The following KCNK2 variants were observed in gnomAD, a reference collection of about 807,000 sequenced individuals.
KCNK2 encodes potassium two pore domain channel subfamily K member 2.
KCNK2 carries 21 observed loss-of-function variants against 40.5 expected under a neutral mutation model. The observed-to-expected ratio is 0.52, with a 90% CI of 0.37 to 0.75. KCNK2 has a LOEUF of 0.75. Ranked by LOEUF, KCNK2 falls within the 30% of genes least tolerant of loss-of-function variation. The pLI is 0.00. For missense variants in KCNK2, 399 were observed against 531.6 expected, an observed-to-expected ratio of 0.75 and a Z score of 2.45; for synonymous variants, 191 against 202.2, an observed-to-expected ratio of 0.94 and a Z score of 0.47.
chr1:215,030,949 A>AT lies in KCNK2; in HGVS notation c.34+25001dup, dbSNP rs981625797. Among the ~76,000 whole-genome samples, 38 of 152,052 alleles carry AT rather than the reference A, an allele frequency of 2.5e-4. No homozygotes were observed. The Middle Eastern group carries it at 0.01, about 41-fold the overall frequency. On this transcript the variant is annotated intron_variant, in intron 1 of 6. Transcript: ENST00000391895. ...GGATGTAAGATCTGCATCTCGATTCATTTTTTTACATGTGGATACTCAGTT... is the reference window on the plus strand; with the variant it reads ...GGATGTAAGATCTGCATCTCGATTCATTTTTTTTACATGTGGATACTCAGTT...
intron 1 of KCNK2, among the ~76,000 whole-genome samples, chr1:215,033,349 C>T (rs2841587): frequency 0.49 from 74,656 of 151,780 alleles, 18,864 homozygotes; most frequent in Non-Finnish European, 0.55. Flanking sequence ...TCTCAGCAGC[C>T]CTGCCATACT....
rs560876485 is a variant in KCNK2 at position 215,220,202 on chromosome 1, TCCA to T, written c.964-14625_964-14623del. Among the ~76,000 whole-genome samples the T allele has an allele frequency of 2.0e-4, 30 of 152,356 alleles. No individual in the cohort carries two copies. The South Asian group carries it at 6.2e-3, about 32-fold the overall frequency. On this transcript the variant is annotated intron_variant, in intron 6 of 6. Coordinates refer to ENST00000444842, the MANE Select transcript of KCNK2 (RefSeq NM_001017425.3). Reference sequence around the variant, plus strand: ...ATGAATTCATACTGGTATCTCTAGTTCCAATCTGATATAATAGAGTTACTTCTG... The same window carrying T: ...ATGAATTCATACTGGTATCTCTAGTTATCTGATATAATAGAGTTACTTCTG...
intron 2 of KCNK2, among the ~76,000 whole-genome samples, chr1:215,100,022 T>C (rs1447244521): frequency 6.6e-6 from 1 of 152,022 alleles, no homozygotes; most frequent in Non-Finnish European, 1.5e-5. Context: ...ATGTGGTTTC[T>C]GCACCAGTGT....
At chr1:215,129,962 T>A (rs1420953555) in intron 3 of KCNK2, among the ~76,000 whole-genome samples, 1 of 152,136 alleles carries the variant, frequency 6.6e-6, no homozygotes, top group Non-Finnish European at 1.5e-5. Flanking sequence ...AACCTTGGGA[T>A]TTTCTGAGTG....
intron 1 of KCNK2, among the ~76,000 whole-genome samples, chr1:215,032,839 A>G (rs1163919573): frequency 6.6e-6 from 1 of 152,066 alleles, no homozygotes; most frequent in Non-Finnish European, 1.5e-5. Context: ...GTAGTTTGAA[A>G]ATAATATGCC....
intron 1 of KCNK2, among the ~76,000 whole-genome samples, chr1:215,062,522 G>A (rs982739412): frequency 1.3e-5 from 2 of 150,912 alleles, no homozygotes; most frequent in Non-Finnish European, 3.0e-5. Context: ...AGGGGAAGGT[G>A]GGATGAACAT....
Position 215,125,907 on chromosome 1 carries a change from TG to T in KCNK2, c.475+1160del, listed in dbSNP as rs551352628. Among the ~76,000 whole-genome samples, 155 of 151,342 alleles carry T rather than the reference TG, an allele frequency of 1.0e-3. 1 individual carries two copies. Among genetic ancestry groups the T allele is most frequent in the African/African-American group, 3.5e-3 (143 of 41,280 alleles). On this transcript the variant is annotated intron_variant, in intron 3 of 6. Transcript: ENST00000444842. ...ATATTTTTTAAGAAAGAGAAGGAAA[TG>T]GGCTCATCATAGTTATGAAGGAATT...
chr1:215,169,162 C>T, intron 3 of KCNK2, 37 bp from the exon 4 acceptor site: 1 of 1,527,762 alleles, frequency 6.5e-7, no homozygotes, highest in Non-Finnish European at 8.9e-7. Context: ...TTTTAAACAA[C>T]TATTATTCAT....
rs376839709 is a variant in KCNK2 at position 215,056,466 on chromosome 1, C to T, written c.35-29902C>T. On this transcript the variant is annotated intron_variant, in intron 1 of 6. Transcript: ENST00000391895. ...GTTGCAGGGAGCCAAGATTGTACCA[C>T]TATACTCCAGGCAACAGAGTGAGAC... 1.8e-4 allele frequency among the ~76,000 whole-genome samples: 22 copies of T among 119,002 alleles called. No individual in the cohort carries two copies. The East Asian group carries it at 4.6e-3, about 25-fold the overall frequency. The allele number at this position is 119,002 out of a possible 152,430, so 78.1% of individuals were successfully genotyped here. A position where few individuals can be genotyped will look rare whatever the true frequency, so the allele number is the denominator to read the frequency against.
chr1:215,083,279 G>C lies in KCNK2; in HGVS notation c.-107G>C, dbSNP rs1277204508. 10 of 1,570,990 alleles carry C rather than the reference G, an allele frequency of 6.4e-6. No homozygotes were observed. The highest frequency in any genetic ancestry group is 5.6e-5 in the African/African-American group (4 of 71,256). ...GGGAAAATGCCTGCCCGTGCAGCTC[G>C]GAGCGCGCAGCCCGTCTCTGAATAA... On this transcript the variant is annotated 5_prime_UTR_variant, in exon 1 of 7. Transcript: ENST00000444842.
intron 6 of KCNK2, among the ~76,000 whole-genome samples, chr1:215,231,051 G>T (rs925667486): frequency 6.6e-6 from 1 of 152,092 alleles, no homozygotes; most frequent in Non-Finnish European, 1.5e-5. Flanking sequence ...TGTTTCCTGT[G>T]TGTTTGCCAT....
At chr1:215,143,582 C>T (rs536486611) in intron 3 of KCNK2, among the ~76,000 whole-genome samples, 11 of 152,120 alleles carry the variant, frequency 7.2e-5, no homozygotes, top group South Asian at 4.2e-4. Flanking sequence ...TGGATAAGTA[C>T]GCCAAAGCAT....
At chr1:215,168,316 A>G (rs934851634) in intron 3 of KCNK2, among the ~76,000 whole-genome samples, 22 of 152,214 alleles carry the variant, frequency 1.4e-4, no homozygotes, top group Admixed American at 8.5e-4. Context: ...AGGATGTAGA[A>G]CCAGAAATAC....
intron 1 of KCNK2, among the ~76,000 whole-genome samples, chr1:215,064,647 A>G (rs1476725926): frequency 2.0e-5 from 3 of 152,092 alleles, no homozygotes; most frequent in Non-Finnish European, 4.4e-5. Flanking sequence ...GCTTGCTGGC[A>G]CCTGGGTCAG....
intron 2 of KCNK2, among the ~76,000 whole-genome samples, chr1:215,121,616 C>T (rs1356054223): frequency 1.3e-5 from 2 of 152,156 alleles, no homozygotes; most frequent in East Asian, 3.9e-4. Context: ...TTTGTCTTTT[C>T]AATATAAAAA....
chr1:215,226,334 TTTTG>T (rs1666383384), intron 6 of KCNK2, among the ~76,000 whole-genome samples: 1 of 152,178 alleles, frequency 6.6e-6, no homozygotes, highest in African/African-American at 2.4e-5. Flanking sequence ...TTTTGTTTTG[TTTTG>T]TTTTTTGAGA....
chr1:215,175,986 A>T (rs1227217307), intron 5 of KCNK2, among the ~76,000 whole-genome samples: 1 of 151,986 alleles, frequency 6.6e-6, no homozygotes, highest in African/African-American at 2.4e-5. Flanking sequence ...TTTTTGTTAG[A>T]TTTCTTTTCC....
At chr1:215,063,459 C>A (rs1658427256) in intron 1 of KCNK2, among the ~76,000 whole-genome samples, 1 of 152,170 alleles carries the variant, frequency 6.6e-6, no homozygotes, top group Non-Finnish European at 1.5e-5. Flanking sequence ...CTGTCCCCAT[C>A]CTCATCTCCA....
intron 2 of KCNK2, among the ~76,000 whole-genome samples, chr1:215,104,690 C>T (rs1660360261): frequency 6.6e-6 from 1 of 151,934 alleles, no homozygotes; most frequent in South Asian, 2.1e-4. Flanking sequence ...AAAAGGACTT[C>T]ACAAATTAAT....
Sources: gnomAD v4.1 joint callset for allele counts (sites outside exome capture counted in the v4.1 genomes callset) on GRCh38, gnomAD v4.1.1 for gene constraint, MANE v1.5 for transcripts, NCBI Gene and HGNC (gene_info 2026-07-23, HGNC 2026-07-21) for gene names.